Variants in DSCAM observed in about 807,000 individuals in gnomAD.
The protein encoded by DSCAM is DS cell adhesion molecule, also known as cell adhesion molecule DSCAM.
A neutral mutation model predicts 217.7 loss-of-function variants in DSCAM; 47 were observed. That is an observed-to-expected ratio of 0.22 (90% CI 0.17 to 0.28). The LOEUF is 0.28. DSCAM is among the 10% of genes least tolerant of loss of function. The pLI is 1.00. For missense variants in DSCAM, 2,080 were observed against 2,618.3 expected (o/e 0.79, Z 4.49); for synonymous variants, 1,056 against 1,015.3 (o/e 1.04, Z -0.76).
At chr21:40,240,315 C>T (rs1267420572) in intron 11 of DSCAM, among the ~76,000 whole-genome samples, 10 of 139,448 alleles carry the variant, frequency 7.2e-5, no homozygotes, top group South Asian at 2.3e-4. Context: ...CCTTCATCCC[C>T]TCTTATCTAG....
At chr21:40,375,635 T>G (rs1237042846) in intron 3 of DSCAM, among the ~76,000 whole-genome samples, 1 of 152,224 alleles carries the variant, frequency 6.6e-6, no homozygotes, top group South Asian at 2.1e-4. Flanking sequence ...ATGAGATTGG[T>G]TTAACATTTC....
At chr21:40,447,585 C>A (rs1335841831) in intron 3 of DSCAM, among the ~76,000 whole-genome samples, 1 of 152,112 alleles carries the variant, frequency 6.6e-6, no homozygotes, top group African/African-American at 2.4e-5. Flanking sequence ...ATTTACACAG[C>A]GAAATGCTAT....
intron 3 of DSCAM, among the ~76,000 whole-genome samples, chr21:40,482,962 TA>T (rs1176127237): frequency 2.6e-5 from 4 of 152,226 alleles, no homozygotes; most frequent in Non-Finnish European, 2.9e-5. Flanking sequence ...TTTATTAAGG[TA>T]GAGTTGTGGT....
At chr21:40,035,799 A>C (rs1386064526) in intron 32 of DSCAM, among the ~76,000 whole-genome samples, 4 of 145,756 alleles carry the variant, frequency 2.7e-5, no homozygotes, top group Non-Finnish European at 6.0e-5. Flanking sequence ...AAAGAACAGA[A>C]ATTATAACAA....
At chr21:40,432,211 A>ATAATAAATAAAT (rs377527411) in intron 3 of DSCAM, among the ~76,000 whole-genome samples, 8 of 46,794 alleles carry the variant, frequency 1.7e-4, no homozygotes, top group African/African-American at 4.6e-4. Flanking sequence ...ATAATAATAA[A>ATAATAAATAAAT]AAATAAATAT....
At chr21:40,162,574 T>C (rs566534514) in intron 16 of DSCAM, among the ~76,000 whole-genome samples, 4 of 152,322 alleles carry the variant, frequency 2.6e-5, no homozygotes, top group African/African-American at 9.6e-5. Flanking sequence ...ACTTAATAGG[T>C]TGTAATGATG....
intron 10 of DSCAM, among the ~76,000 whole-genome samples, chr21:40,284,580 T>C (rs550988632): frequency 1.3e-5 from 2 of 152,208 alleles, no homozygotes; most frequent in East Asian, 1.9e-4. Context: ...AAGCAGCAAA[T>C]TGATGCATGG....
intron 15 of DSCAM, among the ~76,000 whole-genome samples, chr21:40,175,770 A>ACACACACAC (rs1555886068): frequency 2.4e-5 from 3 of 126,354 alleles, no homozygotes; most frequent in South Asian, 2.7e-4. Context: ...ATATTTTCTC[A>ACACACACAC]ACACACACAT....
In DSCAM at chr21:40,144,104, AAT is replaced by A. The variant is rs68053007; in HGVS notation, c.3259+385_3259+386del. ...TGCTTGAAAATAGGAAACAATGAAA[AAT>A]AAAATAAATTTTAAAAAACCTTCTT... On this transcript the variant is annotated intron_variant, in intron 17 of 32. Transcript: ENST00000400454. This position sits in a 1 kb window ranked among gnomAD's most constrained non-coding sequence, Gnocchi z 4.8. Among the ~76,000 whole-genome samples the A allele has an allele frequency of 0.43, 65,418 of 151,984 alleles. 17,100 individuals carry two copies. Among genetic ancestry groups the A allele is most frequent in the South Asian group, 0.58 (2,816 of 4,818 alleles).
chr21:40,379,602 A>G (rs1405643696), intron 3 of DSCAM, among the ~76,000 whole-genome samples: 1 of 152,068 alleles, frequency 6.6e-6, no homozygotes, highest in African/African-American at 2.4e-5. Context: ...ATAATTCCCC[A>G]TTTCACACAT....
intron 3 of DSCAM, among the ~76,000 whole-genome samples, chr21:40,503,282 C>T (rs780281407): frequency 2.6e-5 from 4 of 152,182 alleles, no homozygotes; most frequent in Admixed American, 6.5e-5. Flanking sequence ...TCGAGCATTG[C>T]CCTGTATTCA....
intron 3 of DSCAM, among the ~76,000 whole-genome samples, chr21:40,635,652 A>G (rs1270814072): frequency 6.6e-6 from 1 of 152,122 alleles, no homozygotes; most frequent in African/African-American, 2.4e-5. Flanking sequence ...TTTCAAGTAC[A>G]CAAGATCTGC....
intron 1 of DSCAM, among the ~76,000 whole-genome samples, chr21:40,735,465 C>T (rs572002343): frequency 6.6e-6 from 1 of 152,162 alleles, no homozygotes; most frequent in African/African-American, 2.4e-5. Context: ...TGTCAAGATC[C>T]CAAAAAAAGG....
chr21:40,612,904 C>T (rs1434022186), intron 3 of DSCAM, among the ~76,000 whole-genome samples: 1 of 151,980 alleles, frequency 6.6e-6, no homozygotes, highest in East Asian at 1.9e-4. Context: ...TCTGTTTTCT[C>T]CTCCTTCATT....
intron 20 of DSCAM, among the ~76,000 whole-genome samples, chr21:40,114,937 G>A (rs556663261): frequency 6.6e-6 from 1 of 152,284 alleles, no homozygotes; most frequent in South Asian, 2.1e-4. Context: ...AGGATGTGGA[G>A]AAATAGGAAC....
intron 11 of DSCAM, among the ~76,000 whole-genome samples, chr21:40,190,556 T>A (rs542007403): frequency 4.6e-5 from 7 of 152,206 alleles, no homozygotes; most frequent in Non-Finnish European, 1.0e-4. Context: ...CCTCAGCTTG[T>A]GTTATATATG....
chr21:40,464,214 G>A (rs964639119), intron 3 of DSCAM, among the ~76,000 whole-genome samples: 3 of 152,166 alleles, frequency 2.0e-5, no homozygotes, highest in African/African-American at 7.2e-5. Context: ...GAGGCTCCGG[G>A]ACTGTTCTGG....
At chr21:40,135,793 C>CT (rs34674638) in intron 18 of DSCAM, among the ~76,000 whole-genome samples, 70 of 152,226 alleles carry the variant, frequency 4.6e-4, no homozygotes, top group African/African-American at 1.6e-3. Context: ...TTTTGTTCAT[C>CT]TTTTTTTTGT....
chr21:40,013,696 A>G (rs2088104445), intron 32 of DSCAM, among the ~76,000 whole-genome samples: 1 of 152,180 alleles, frequency 6.6e-6, no homozygotes, highest in African/African-American at 2.4e-5. Context: ...AGAAAAACAT[A>G]CATCAAAGGC....
Sources: allele counts gnomAD v4.1 joint callset (sites outside exome capture counted in the v4.1 genomes callset), GRCh38; gene constraint gnomAD v4.1.1; non-coding constraint Gnocchi (gnomAD v3.1); transcripts MANE v1.5; gene names NCBI Gene and HGNC (gene_info 2026-07-23, HGNC 2026-07-21).